Variants in RSRC1 observed in about 807,000 individuals in gnomAD.
RSRC1 encodes serine/Arginine-related protein 53.
Under a neutral mutation model 49.1 loss-of-function variants are expected in RSRC1, and 39 were observed. The ratio of observed to expected loss-of-function variants is 0.79; its 90% CI spans 0.61 to 1.04. The LOEUF (loss-of-function observed/expected upper bound fraction) is 1.04, where lower values mean the gene tolerates loss of function less well. RSRC1 is among the 50% of genes least tolerant of loss of function. The probability of loss-of-function intolerance (pLI) is 0.00; values close to 1 mark genes in which losing one functional copy is unlikely to be tolerated. For missense variants in RSRC1, 388 were observed against 402.4 expected, an observed-to-expected ratio of 0.96 and a Z score of 0.31; for synonymous variants, 143 against 130.8, an observed-to-expected ratio of 1.09 and a Z score of -0.63.
chr3:158,402,991 C>A (rs1733973193), intron 6 of RSRC1, among the ~76,000 whole-genome samples: 1 of 151,692 alleles, frequency 6.6e-6, no homozygotes, highest in South Asian at 2.1e-4. Flanking sequence ...CAAAATAAAA[C>A]CTAAAGTATC....
At chr3:158,203,727 A>T (rs1412968555) in intron 4 of RSRC1, among the ~76,000 whole-genome samples, 1 of 152,140 alleles carries the variant, frequency 6.6e-6, no homozygotes, top group Non-Finnish European at 1.5e-5. Flanking sequence ...TTTAGTATAG[A>T]ATGGGAGCTT....
chr3:158,136,252 AT>A lies in RSRC1; in HGVS notation c.320+12262del, dbSNP rs1436577425. ...TCGAAATTACATGAAAATAAGTTTC[AT>A]AATGTATATTATTTAAATTATTTTA... On this transcript the variant is annotated intron_variant, in intron 3 of 9. Coordinates refer to ENST00000611884, the MANE Select transcript of RSRC1 (RefSeq NM_001271838.2). Among the ~76,000 whole-genome samples the A allele has an allele frequency of 1.3e-5, 2 of 152,204 alleles. 1 individual carries two copies. Among genetic ancestry groups the A allele is most frequent in the Non-Finnish European group, 2.9e-5 (2 of 68,036 alleles).
intron 4 of RSRC1, among the ~76,000 whole-genome samples, chr3:158,233,042 A>G (rs1472588875): frequency 6.6e-6 from 1 of 152,094 alleles, no homozygotes; most frequent in East Asian, 1.9e-4. Context: ...CAGAAATGGA[A>G]TCCAGTAAAT....
chr3:158,465,567 A>G (rs898057304), intron 7 of RSRC1, among the ~76,000 whole-genome samples: 3 of 152,138 alleles, frequency 2.0e-5, no homozygotes, highest in Non-Finnish European at 4.4e-5. Context: ...TTGCATGTAG[A>G]TCCAAGTAGG....
chr3:158,124,112 T>C lies in RSRC1; in HGVS notation c.320+121T>C, dbSNP rs77941254. ...TTTGATTGAGCTTAGCTGGCACTTA[T>C]TTTTTTCTCACCTGGGGTCATTCAT... On this transcript the variant is annotated intron_variant, in intron 3 of 9. Coordinates refer to ENST00000611884, the MANE Select transcript of RSRC1 (RefSeq NM_001271838.2). The C allele has an allele frequency of 7.9e-3, 5,348 of 674,812 alleles. 205 individuals carry two copies. The African/African-American group carries it at 0.089, about 11-fold the overall frequency. 41.8% of individuals were successfully genotyped at this position (674,812 alleles called of 1,614,324 possible).
At chr3:158,372,236 T>C (rs569830069) in intron 6 of RSRC1, among the ~76,000 whole-genome samples, 154 of 151,982 alleles carry the variant, frequency 1.0e-3, no homozygotes, top group African/African-American at 3.5e-3. Flanking sequence ...AAGAAATCTT[T>C]GCCCAACCAG....
chr3:158,326,759 G>A (rs1179834030), intron 5 of RSRC1, among the ~76,000 whole-genome samples: 1 of 152,158 alleles, frequency 6.6e-6, no homozygotes, highest in Non-Finnish European at 1.5e-5. Flanking sequence ...GAGTTAGGGA[G>A]GATTCCCTCT....
chr3:158,369,588 T>G (rs1168449832), intron 6 of RSRC1, among the ~76,000 whole-genome samples: 1 of 152,132 alleles, frequency 6.6e-6, no homozygotes, highest in Non-Finnish European at 1.5e-5. Flanking sequence ...TAAAAACTGT[T>G]TAAATAGACT....
At chr3:158,407,346 CT>C (rs1734205229) in intron 6 of RSRC1, among the ~76,000 whole-genome samples, 1 of 152,024 alleles carries the variant, frequency 6.6e-6, no homozygotes, top group East Asian at 1.9e-4. Context: ...ATGAATATGC[CT>C]TTTAAAAAAT....
chr3:158,181,131 G>A (rs1719602339), intron 3 of RSRC1, among the ~76,000 whole-genome samples: 1 of 152,114 alleles, frequency 6.6e-6, no homozygotes, highest in African/African-American at 2.4e-5. Flanking sequence ...AGCTCCCCAG[G>A]TAACTGATAC....
intron 6 of RSRC1, among the ~76,000 whole-genome samples, chr3:158,367,254 A>G (rs1331088798): frequency 6.6e-6 from 1 of 152,118 alleles, no homozygotes; most frequent in Non-Finnish European, 1.5e-5. Flanking sequence ...CCCATTCAGT[A>G]TGATATTGGC....
chr3:158,423,023 A>G (rs370997441), intron 6 of RSRC1, among the ~76,000 whole-genome samples: 6 of 151,902 alleles, frequency 3.9e-5, no homozygotes, highest in African/African-American at 1.2e-4. Flanking sequence ...CCATTCTGTA[A>G]GTTGCCTGTT....
chr3:158,317,730 T>C (rs530330298), intron 5 of RSRC1, among the ~76,000 whole-genome samples: 6 of 151,944 alleles, frequency 3.9e-5, no homozygotes, highest in African/African-American at 9.7e-5. Flanking sequence ...GGCTAATTTT[T>C]TGTATTTTAA....
chr3:158,209,104 A>G (rs1335100184), intron 4 of RSRC1, among the ~76,000 whole-genome samples: 2 of 152,184 alleles, frequency 1.3e-5, no homozygotes, highest in Non-Finnish European at 2.9e-5. Context: ...ATCACCAGCT[A>G]GGAAAATTTG....
intron 6 of RSRC1, among the ~76,000 whole-genome samples, chr3:158,423,918 AT>A (rs917871334): frequency 0.017 from 2,600 of 151,050 alleles, 61 homozygotes; most frequent in African/African-American, 0.06. Context: ...TTGTACATTG[AT>A]TTTGTATCCT....
intron 5 of RSRC1, among the ~76,000 whole-genome samples, chr3:158,322,921 G>GT (rs1728846499): frequency 6.6e-6 from 1 of 151,872 alleles, no homozygotes; most frequent in Non-Finnish European, 1.5e-5. Context: ...GTTTTGTTTT[G>GT]TTTAATTCTT....
intron 3 of RSRC1, among the ~76,000 whole-genome samples, chr3:158,162,604 T>G (rs1279276077): frequency 1.3e-5 from 2 of 152,190 alleles, no homozygotes; most frequent in Non-Finnish European, 2.9e-5. Flanking sequence ...TTTCAGATAT[T>G]ATTACCTGTA....
At chr3:158,459,335 A>G (rs1737501354) in intron 6 of RSRC1, among the ~76,000 whole-genome samples, 1 of 152,148 alleles carries the variant, frequency 6.6e-6, no homozygotes, top group South Asian at 2.1e-4. Context: ...AGTTTATTGA[A>G]TTTAAATTGT....
chr3:158,271,484 T>A (rs1725515982), intron 4 of RSRC1, among the ~76,000 whole-genome samples: 1 of 152,172 alleles, frequency 6.6e-6, no homozygotes, highest in Non-Finnish European at 1.5e-5. Flanking sequence ...TCTCATAGAC[T>A]ATAGTTTAAA....
Sources: allele counts gnomAD v4.1 joint callset (sites outside exome capture counted in the v4.1 genomes callset), GRCh38; gene constraint gnomAD v4.1.1; transcripts MANE v1.5; gene names NCBI Gene and HGNC (gene_info 2026-07-23, HGNC 2026-07-21).